The following AVEN variants were observed in gnomAD, a reference collection of about 807,000 sequenced individuals.
The protein encoded by AVEN is apoptosis and caspase activation inhibitor.
Under a neutral mutation model 38.1 loss-of-function variants are expected in AVEN, and 41 were observed. The observed-to-expected ratio is 1.08, with a 90% CI of 0.84 to 1.40. AVEN has a LOEUF of 1.40. AVEN is among the 40% of genes most tolerant of loss of function. The pLI is 0.00. For synonymous variants in AVEN, 206 were observed against 171.8 expected, an observed-to-expected ratio of 1.20 and a Z score of -1.56; for missense variants, 605 against 438.8, an observed-to-expected ratio of 1.38 and a Z score of -3.38.
chr15:34,028,854 T>A (rs534261313), intron 1 of AVEN, among the ~76,000 whole-genome samples: 54 of 151,578 alleles, frequency 3.6e-4, no homozygotes, highest in Non-Finnish European at 6.0e-4. Context: ...GGCCACCACA[T>A]TGTACCTTCA....
chr15:34,038,584 G>C (rs1641148416), intron 1 of AVEN, among the ~76,000 whole-genome samples, 196 bp downstream of exon 1: 1 of 150,010 alleles, frequency 6.7e-6, no homozygotes, highest in Non-Finnish European at 1.5e-5. Flanking sequence ...GGCCACGAGG[G>C]CCAAGCGCAT....
intron 1 of AVEN, among the ~76,000 whole-genome samples, chr15:34,073,519 C>CTTTTT (rs10617421): frequency 3.4e-5 from 3 of 88,498 alleles, no homozygotes; most frequent in African/African-American, 8.6e-5. Context: ...TTTCTTTTTT[C>CTTTTT]TTTTTTTTTT....
At chr15:34,032,869 CA>C (rs914357057) in intron 1 of AVEN, among the ~76,000 whole-genome samples, 3 of 152,158 alleles carry the variant, frequency 2.0e-5, no homozygotes, top group African/African-American at 4.8e-5. Context: ...TGTCCTTTTG[CA>C]AATCAGGTAG....
chr15:33,972,989 A>C (rs553446199), intron 2 of AVEN, among the ~76,000 whole-genome samples: 2 of 152,312 alleles, frequency 1.3e-5, no homozygotes, highest in African/African-American at 4.8e-5. Context: ...AGAATTCTTA[A>C]AGCATTTATT....
At chr15:33,931,026 T>C (rs1007451200) in intron 2 of AVEN, among the ~76,000 whole-genome samples, 10 of 151,998 alleles carry the variant, frequency 6.6e-5, no homozygotes, top group Non-Finnish European at 1.5e-4. Context: ...TTTCATGATT[T>C]CTAAACATTC....
chr15:33,957,723 G>GA (rs58208633), intron 2 of AVEN, among the ~76,000 whole-genome samples: 39,132 of 142,506 alleles, frequency 0.27, 6,966 homozygotes, highest in African/African-American at 0.52. Flanking sequence ...TATATTGTAT[G>GA]AAAAAAAAAA....
chr15:33,999,790 C>G (rs536345), intron 2 of AVEN, among the ~76,000 whole-genome samples: 122,443 of 152,078 alleles, frequency 0.81, 49,538 homozygotes, highest in East Asian at 1. Flanking sequence ...ACTAGTCTAC[C>G]CGCTCCCCTC....
chr15:34,027,426 G>A (rs567271520), intron 1 of AVEN, among the ~76,000 whole-genome samples: 7 of 152,146 alleles, frequency 4.6e-5, no homozygotes, highest in African/African-American at 1.7e-4. Context: ...CTACACAGGA[G>A]GCTGAGGCAG....
chr15:34,070,373 T>G (rs1025602487), intron 2 of AVEN, among the ~76,000 whole-genome samples: 1 of 149,982 alleles, frequency 6.7e-6, no homozygotes, highest in African/African-American at 2.5e-5. Flanking sequence ...CCCTTCTTTG[T>G]TTCTTTTTTT....
intron 1 of AVEN, among the ~76,000 whole-genome samples, chr15:34,029,572 A>G (rs1187046470): frequency 6.6e-6 from 1 of 151,772 alleles, no homozygotes; most frequent in African/African-American, 2.4e-5. Flanking sequence ...AAACTTTAGG[A>G]GTTGTTTACA....
Position 33,859,499 on chromosome 15 carries a change from A to C in AVEN, n.2730-405T>G, listed in dbSNP as rs183900449. The C allele has an allele frequency of 3.6e-5, 56 of 1,540,226 alleles. No homozygotes were observed. The East Asian group carries it at 1.1e-3, about 31-fold the overall frequency. ...AGGGCTGCCACAATCTGACCGAATC[A>C]TATGAATGATCTGAGCATCTTGCTA... On this transcript the variant is annotated intron_variant and non_coding_transcript_variant, in intron 11 of 11. Coordinates refer to the AVEN transcript ENST00000675287.
chr15:33,994,142 G>A (rs1896840239), intron 2 of AVEN, among the ~76,000 whole-genome samples: 2 of 152,156 alleles, frequency 1.3e-5, no homozygotes, highest in Admixed American at 6.5e-5. Flanking sequence ...GTGAGTGGTG[G>A]GCAAGTGAGC....
intron 2 of AVEN, among the ~76,000 whole-genome samples, chr15:33,983,148 G>A (rs938429286): frequency 1.5e-5 from 2 of 137,638 alleles, no homozygotes; most frequent in African/African-American, 5.7e-5. Context: ...GTGTGTGTGT[G>A]TGTGTGTGTG....
chr15:33,890,853 T>A (rs1288797528), intron 2 of AVEN, among the ~76,000 whole-genome samples: 6 of 152,192 alleles, frequency 3.9e-5, no homozygotes, highest in African/African-American at 1.4e-4. Context: ...GGCTCACAGC[T>A]GTAATCCCAG....
intron 1 of AVEN, among the ~76,000 whole-genome samples, chr15:34,004,837 T>C (rs1369695571): frequency 6.6e-6 from 1 of 152,158 alleles, no homozygotes; most frequent in African/African-American, 2.4e-5. Flanking sequence ...ATTAAATTTT[T>C]AAAACAGAGA....
chr15:34,058,206 GTATTAATC>G (rs1900224242), intron 5 of AVEN, among the ~76,000 whole-genome samples: 1 of 152,114 alleles, frequency 6.6e-6, no homozygotes. Flanking sequence ...ACTGATTTCA[GTATTAATC>G]ATATCTGAAA....
chr15:33,943,907 C>G (rs1894412613), intron 2 of AVEN, among the ~76,000 whole-genome samples: 2 of 140,480 alleles, frequency 1.4e-5, no homozygotes, highest in Non-Finnish European at 3.1e-5. Flanking sequence ...TTATATACTT[C>G]TTTATTTTTA....
intron 2 of AVEN, among the ~76,000 whole-genome samples, chr15:33,877,263 A>C (rs1446289413): frequency 6.6e-6 from 1 of 152,232 alleles, no homozygotes; most frequent in Non-Finnish European, 1.5e-5. Flanking sequence ...AGCCAGGATT[A>C]TACCTAAAAA....
downstream of AVEN, chr15:33,858,134 A>C (rs2079899322): frequency 5.0e-6 from 3 of 596,614 alleles, no homozygotes; most frequent in Non-Finnish European, 8.6e-6. Flanking sequence ...CCACACATCT[A>C]AGCCCCGTGG....
Sources: allele counts gnomAD v4.1 joint callset (sites outside exome capture counted in the v4.1 genomes callset), GRCh38; gene constraint gnomAD v4.1.1; transcripts MANE v1.5; gene names NCBI Gene and HGNC (gene_info 2026-07-23, HGNC 2026-07-21).